The following FOXP1 variants were observed in gnomAD, a reference collection of about 807,000 sequenced individuals.
FOXP1 encodes the protein forkhead box P1.
Under a neutral mutation model 98.2 loss-of-function variants are expected in FOXP1, and 15 were observed. The ratio of observed to expected loss-of-function variants is 0.15; its 90% CI spans 0.10 to 0.24. The LOEUF (loss-of-function observed/expected upper bound fraction) is 0.24, where lower values mean the gene tolerates loss of function less well. Ranked by LOEUF, FOXP1 falls within the 10% of genes least tolerant of loss-of-function variation. The pLI is 1.00. For missense variants in FOXP1, 633 were observed against 848.5 expected (o/e 0.75, Z 3.15); for synonymous variants, 371 against 314.5 (o/e 1.18, Z -1.90).
intron 4 of FOXP1, among the ~76,000 whole-genome samples, chr3:71,326,291 T>C (rs1267623330): frequency 2.6e-5 from 4 of 152,224 alleles, no homozygotes; most frequent in Non-Finnish European, 5.9e-5. Flanking sequence ...ACAGTCTGCA[T>C]TTGGAAGAGT....
chr3:70,990,413 A>C (rs889444213), intron 13 of FOXP1, among the ~76,000 whole-genome samples: 4 of 152,146 alleles, frequency 2.6e-5, no homozygotes, highest in Non-Finnish European at 5.9e-5. Flanking sequence ...GCTCCTTCCA[A>C]AAGCTTTCAC....
chr3:71,428,943 TCTA>T (rs2084417689), intron 3 of FOXP1, among the ~76,000 whole-genome samples: 2 of 152,304 alleles, frequency 1.3e-5, no homozygotes, highest in East Asian at 3.9e-4. Flanking sequence ...GCTCGTCCAT[TCTA>T]CTGTGCAATT....
intron 4 of FOXP1, chr3:71,306,130 A>C (rs1446136042): frequency 2.0e-5 from 3 of 152,226 alleles, no homozygotes; most frequent in Non-Finnish European, 2.9e-5. Context: ...CAGCAAATGA[A>C]TAACTGGCTC....
At chr3:71,064,753 C>A in intron 7 of FOXP1, 3 of 980,278 alleles carry the variant, frequency 3.1e-6, no homozygotes, top group South Asian at 9.4e-5. Flanking sequence ...CAGCGAGGCC[C>A]CCAGGAAGCG....
intron 2 of FOXP1, among the ~76,000 whole-genome samples, chr3:71,569,005 GA>G (rs1391681677): frequency 1.3e-5 from 2 of 152,136 alleles, no homozygotes; most frequent in Non-Finnish European, 2.9e-5. Context: ...CATTTTTACA[GA>G]CAACTTGTTT....
chr3:71,404,948 AATATG>A (rs2082212996), intron 3 of FOXP1, among the ~76,000 whole-genome samples: 3 of 152,302 alleles, frequency 2.0e-5, no homozygotes, highest in Admixed American at 1.3e-4. Flanking sequence ...GCAACAGGGC[AATATG>A]GTTTATCGTG....
intron 3 of FOXP1, among the ~76,000 whole-genome samples, chr3:71,473,130 C>A (rs188556678): frequency 6.6e-6 from 1 of 152,152 alleles, no homozygotes; most frequent in South Asian, 2.1e-4. Context: ...AATAACATCA[C>A]GTGCATAGCT....
intron 5 of FOXP1, chr3:71,288,515 C>G (rs1560247294): frequency 6.6e-6 from 1 of 152,218 alleles, no homozygotes; most frequent in Non-Finnish European, 1.5e-5. Context: ...TAGTATTTTA[C>G]TAATCTAGAG....
At chr3:71,498,054 A>G (rs1197572866) in intron 2 of FOXP1, among the ~76,000 whole-genome samples, 3 of 152,202 alleles carry the variant, frequency 2.0e-5, no homozygotes, top group Admixed American at 6.5e-5. Flanking sequence ...GCGTTCTGGC[A>G]GTGGCTACTA....
chr3:71,025,983 G>A (rs529323575), intron 11 of FOXP1, among the ~76,000 whole-genome samples: 2 of 152,284 alleles, frequency 1.3e-5, no homozygotes, highest in South Asian at 4.1e-4. Context: ...TACTAGGAAG[G>A]CAGGGTTTCC....
At chr3:71,199,830 G>A (rs959030136) in intron 5 of FOXP1, among the ~76,000 whole-genome samples, 1 of 151,330 alleles carries the variant, frequency 6.6e-6, no homozygotes, top group Non-Finnish European at 1.5e-5. Context: ...GTAATCCCAG[G>A]ACTTTGGGAG....
intron 3 of FOXP1, among the ~76,000 whole-genome samples, chr3:71,401,729 C>T (rs2081968253): frequency 6.6e-6 from 1 of 152,034 alleles, no homozygotes; most frequent in Non-Finnish European, 1.5e-5. Flanking sequence ...TACCTTCCTT[C>T]GCTAAATCTT....
At chr3:71,093,274 A>AAAATG (rs757055677) in intron 7 of FOXP1, among the ~76,000 whole-genome samples, 34 of 3,210 alleles carry the variant, frequency 0.011, no homozygotes, top group Non-Finnish European at 0.088. Flanking sequence ...AATAAAAATG[A>AAAATG]AAAAAAAAAA....
intron 5 of FOXP1, among the ~76,000 whole-genome samples, chr3:71,268,994 GA>G (rs1454348283): frequency 6.6e-6 from 1 of 152,212 alleles, no homozygotes; most frequent in African/African-American, 2.4e-5. Flanking sequence ...AAAAATCTGG[GA>G]AGGTAAATGA....
At chr3:71,001,120 T>C in intron 12 of FOXP1, 61 bp from the exon 13 acceptor site, 2 of 1,315,690 alleles carry the variant, frequency 1.5e-6, no homozygotes, top group South Asian at 2.4e-5. Flanking sequence ...AAATATAAGT[T>C]ACCAGGATGT....
chr3:71,401,838 T>G (rs137920749), intron 3 of FOXP1, among the ~76,000 whole-genome samples: 1,535 of 152,314 alleles, frequency 0.01, 31 homozygotes, highest in African/African-American at 0.035. Flanking sequence ...AACACAAATT[T>G]GAATCTGTCT....
chr3:71,124,587 G>A (rs2059020447), intron 6 of FOXP1, among the ~76,000 whole-genome samples: 1 of 150,862 alleles, frequency 6.6e-6, no homozygotes, highest in Non-Finnish European at 1.5e-5. Context: ...ATGCAAGTGT[G>A]TGGTGCACAT....
At chr3:70,991,330 C>T (rs1272454495) in intron 13 of FOXP1, among the ~76,000 whole-genome samples, 2 of 152,126 alleles carry the variant, frequency 1.3e-5, no homozygotes, top group East Asian at 3.9e-4. Context: ...AGGTCATCTC[C>T]TCTTCTATTA....
chr3:71,355,889 C>T (rs2078120263), intron 4 of FOXP1, among the ~76,000 whole-genome samples: 1 of 152,118 alleles, frequency 6.6e-6, no homozygotes, highest in Non-Finnish European at 1.5e-5. Context: ...GTGGTTGGCA[C>T]TGTTTTTCAA....
Sources: gnomAD v4.1 joint callset for allele counts (sites outside exome capture counted in the v4.1 genomes callset) on GRCh38, gnomAD v4.1.1 for gene constraint, MANE v1.5 for transcripts, NCBI Gene and HGNC (gene_info 2026-07-23, HGNC 2026-07-21) for gene names.